Variants in LRRK2 observed in about 807,000 individuals in gnomAD.
LRRK2 encodes the protein leucine rich repeat kinase 2.
LRRK2 carries 203 observed loss-of-function variants against 302.6 expected under a neutral mutation model. The observed-to-expected ratio is 0.67, with a 90% CI of 0.60 to 0.75. The LOEUF (loss-of-function observed/expected upper bound fraction) is 0.75. LRRK2 is among the 30% of genes least tolerant of loss of function. The pLI, the probability that LRRK2 is intolerant of heterozygous loss-of-function variation, is 0.00. For synonymous variants in LRRK2, 1,066 were observed against 1,031.9 expected, an observed-to-expected ratio of 1.03 and a Z score of -0.63; for missense variants, 2,830 against 2,951.0, an observed-to-expected ratio of 0.96 and a Z score of 0.95.
At chr12:40,251,166 A>T (rs1324594994) in intron 8 of LRRK2, 66 bp from the exon 9 acceptor site, 1 of 1,075,602 alleles carries the variant, frequency 9.3e-7, no homozygotes. Context: ...ATGGACTTAG[A>T]GTTGGTCAAA....
chr12:40,233,851 T>C (rs1250129406), intron 3 of LRRK2, among the ~76,000 whole-genome samples: 1 of 152,224 alleles, frequency 6.6e-6, no homozygotes, highest in East Asian at 1.9e-4. Flanking sequence ...ACTCACTTTG[T>C]TCATCCAGTC....
chr12:40,364,817 A>C (rs748409332), intron 48 of LRRK2, 25 bp from the exon 49 acceptor site: 4 of 1,535,476 alleles, frequency 2.6e-6, no homozygotes, highest in Non-Finnish European at 2.7e-6. Context: ...TGGTAAAATT[A>C]TTAATGTATA....
chr12:40,322,534 A>G (rs1592287107), intron 37 of LRRK2, 24 bp downstream of exon 37: 1 of 1,597,436 alleles, frequency 6.3e-7, no homozygotes, highest in Non-Finnish European at 8.6e-7. Context: ...CAACTTACAA[A>G]TGCTTTTAAG....
chr12:40,299,711 A>C (rs1224396103), intron 25 of LRRK2, among the ~76,000 whole-genome samples: 1 of 152,096 alleles, frequency 6.6e-6, no homozygotes, highest in Non-Finnish European at 1.5e-5. Flanking sequence ...TAAAGAATGA[A>C]CCCTGATGTA....
chr12:40,275,090 AG>A, intron 16 of LRRK2, 97 bp downstream of exon 16: 2 of 1,308,000 alleles, frequency 1.5e-6, no homozygotes, highest in Non-Finnish European at 2.2e-6. Context: ...GGGGTATTCT[AG>A]TTAATGGAAA....
chr12:40,306,781 T>A (rs1944840882), intron 28 of LRRK2, among the ~76,000 whole-genome samples: 1 of 152,186 alleles, frequency 6.6e-6, no homozygotes, highest in African/African-American at 2.4e-5. Flanking sequence ...CTCATTCTCT[T>A]CTGCCTAAAA....
intron 20 of LRRK2, among the ~76,000 whole-genome samples, chr12:40,290,472 T>G (rs1453693895): frequency 6.6e-6 from 1 of 152,162 alleles, no homozygotes; most frequent in Non-Finnish European, 1.5e-5. Flanking sequence ...TAAAGGTATT[T>G]TCTTCTTAAA....
At chr12:40,297,852 G>A (rs1041222181) in intron 23 of LRRK2, among the ~76,000 whole-genome samples, 1 of 152,034 alleles carries the variant, frequency 6.6e-6, no homozygotes, top group African/African-American at 2.4e-5. Context: ...ATCAAAATAT[G>A]TAAAATTTCT....
chr12:40,332,946 T>G (rs17520278), intron 39 of LRRK2, among the ~76,000 whole-genome samples: 22,342 of 132,942 alleles, frequency 0.17, 1,872 homozygotes, highest in African/African-American at 0.24. Context: ...GTGTGCATAA[T>G]GTGCTTCTTC....
At position 40,263,969 on chromosome 12, in the gene LRRK2, C is replaced by G. The variant is rs10784462; in HGVS notation, c.1656+68C>G. ...AATATTAAATTTGGAGAACTAGGGGCGCTTTTTCAGTCTAAGTTTTCTGTT... is the reference window on the plus strand; with the variant it reads ...AATATTAAATTTGGAGAACTAGGGGGGCTTTTTCAGTCTAAGTTTTCTGTT... On this transcript the variant is annotated intron_variant, in intron 14 of 50. Coordinates refer to ENST00000298910, the MANE Select transcript of LRRK2 (RefSeq NM_198578.4). 524,737 of 1,145,694 alleles carry G rather than the reference C, an allele frequency of 0.46. 125,270 individuals carry two copies. The highest frequency in any genetic ancestry group is 0.55 in the South Asian group (42,292 of 76,496). The allele number at this position is 1,145,694 out of a possible 1,614,324, so 71.0% of individuals were successfully genotyped here. A position where few individuals can be genotyped will look rare whatever the true frequency, so the allele number is the denominator to read the frequency against.
intron 18 of LRRK2, among the ~76,000 whole-genome samples, chr12:40,283,260 A>C (rs907595120): frequency 2.6e-5 from 4 of 152,142 alleles, no homozygotes; most frequent in Non-Finnish European, 2.9e-5. Context: ...GTGGCACCTC[A>C]CATGCTAACC....
intron 25 of LRRK2, among the ~76,000 whole-genome samples, chr12:40,299,845 G>A (rs1283089975): frequency 6.6e-6 from 1 of 152,002 alleles, no homozygotes; most frequent in East Asian, 1.9e-4. Flanking sequence ...GTGGTGGTGA[G>A]GGAAGAAGGG....
At chr12:40,339,645 T>C (rs889190641) in intron 40 of LRRK2, among the ~76,000 whole-genome samples, 6 of 152,160 alleles carry the variant, frequency 3.9e-5, no homozygotes, top group Non-Finnish European at 8.8e-5. Context: ...TTTTTAACCT[T>C]AATATCTAAC....
At chr12:40,347,892 G>A (rs1946239742) in intron 42 of LRRK2, among the ~76,000 whole-genome samples, 1 of 152,078 alleles carries the variant, frequency 6.6e-6, no homozygotes, top group Non-Finnish European at 1.5e-5. Context: ...GAACCTGGGA[G>A]GTTGCAGTGA....
At chr12:40,232,656 T>C (rs1941255515) in intron 3 of LRRK2, 1 of 258,320 alleles carries the variant, frequency 3.9e-6, no homozygotes, top group Non-Finnish European at 7.3e-6. Context: ...TTGTAGATTT[T>C]TGATGAGTAC....
At chr12:40,258,241 A>G (rs1942609203) in intron 12 of LRRK2, among the ~76,000 whole-genome samples, 1 of 152,222 alleles carries the variant, frequency 6.6e-6, no homozygotes, top group Admixed American at 6.5e-5. Context: ...CTAAGTGTGA[A>G]TAAATGAAGT....
In LRRK2 at chr12:40,329,977, A is replaced by G. The variant is rs1945667616; in HGVS notation, c.5757+1517A>G. Among the ~76,000 whole-genome samples, 4 of 152,236 alleles carry G rather than the reference A, an allele frequency of 2.6e-5. No individual in the cohort carries two copies. In the South Asian group the frequency reaches 6.2e-4, roughly 24 times the overall value. ...CTAAGTTCTTAATCATACAGTTTGTATAACAGAATCTACTTTCTTCTTGAA... is the reference window on the plus strand; with the variant it reads ...CTAAGTTCTTAATCATACAGTTTGTGTAACAGAATCTACTTTCTTCTTGAA... On this transcript the variant is annotated intron_variant, in intron 39 of 50. Coordinates refer to ENST00000298910, the MANE Select transcript of LRRK2 (RefSeq NM_198578.4).
At chr12:40,238,135 A>G in intron 5 of LRRK2, 32 bp downstream of exon 5, 2 of 1,603,868 alleles carry the variant, frequency 1.2e-6, no homozygotes, top group Middle Eastern at 1.7e-4. Flanking sequence ...CTTAAAGTAT[A>G]TATAAGAAAA....
Position 40,359,305 on chromosome 12 carries a change from A to G in LRRK2, c.6889A>G (p.Ser2297Gly). Reference protein sequence around the residue: ...PLKILNIGNVSTPLMCLSEST... With the variant: ...PLKILNIGNVGTPLMCLSEST... ...GAAGATACTAAATATAGGAAATGTC[A>G]GTACTCCATTGATGTGTTTGAGTGA... The change falls in exon 47 of 51, where the codon AGT becomes GGT. Residue 2297 changes from serine (S) to glycine (G), a missense_variant. Around this residue, in one of 3 missense-constraint regions of LRRK2, gnomAD observed 456 missense variants for 456.3 expected, o/e 1.00. Transcript: ENST00000298910. 1.2e-6 allele frequency: 2 copies of G among 1,613,088 alleles called. No homozygotes were observed. The highest frequency in any genetic ancestry group is 1.1e-5 in the South Asian group (1 of 91,050).
Sources: gnomAD v4.1 joint callset for allele counts (sites outside exome capture counted in the v4.1 genomes callset) on GRCh38, gnomAD v4.1.1 for gene constraint, gnomAD v4.1.1 regional missense constraint, MANE v1.5 for transcripts, NCBI Gene and HGNC (gene_info 2026-07-23, HGNC 2026-07-21) for gene names.